Variants in PPP2R2B observed in about 807,000 individuals in gnomAD.
PPP2R2B encodes protein phosphatase 2 regulatory subunit Bbeta.
In PPP2R2B, 5 loss-of-function variants were observed where a neutral mutation model predicts 46.0. That is an observed-to-expected ratio of 0.11 (90% CI 0.06 to 0.23). The LOEUF (loss-of-function observed/expected upper bound fraction) is 0.23, where lower values mean the gene tolerates loss of function less well. Ranked by LOEUF, PPP2R2B falls within the 10% of genes least tolerant of loss-of-function variation. The pLI, the probability that PPP2R2B is intolerant of heterozygous loss-of-function variation, is 1.00. For missense variants in PPP2R2B, 367 were observed against 575.0 expected, an observed-to-expected ratio of 0.64 and a Z score of 3.70; for synonymous variants, 215 against 206.7, an observed-to-expected ratio of 1.04 and a Z score of -0.34.
At chr5:146,771,887 G>A (rs1285509361) in intron 2 of PPP2R2B, among the ~76,000 whole-genome samples, 1 of 152,130 alleles carries the variant, frequency 6.6e-6, no homozygotes, top group Non-Finnish European at 1.5e-5. Flanking sequence ...TCACTTGCAG[G>A]AGAAGAGAAA....
At chr5:146,728,813 A>G (rs1752044597) in intron 2 of PPP2R2B, among the ~76,000 whole-genome samples, 1 of 152,094 alleles carries the variant, frequency 6.6e-6, no homozygotes, top group Non-Finnish European at 1.5e-5. Context: ...CTTTTTGCCT[A>G]TTGCCATGAT....
At chr5:146,702,364 T>A (rs543643367) in intron 2 of PPP2R2B, among the ~76,000 whole-genome samples, 3 of 152,302 alleles carry the variant, frequency 2.0e-5, no homozygotes, top group African/African-American at 7.2e-5. Flanking sequence ...AAATAAGGCA[T>A]AAACCTTGGT....
At chr5:146,650,757 C>A (rs1775898190) in intron 5 of PPP2R2B, 33 bp from the exon 6 acceptor site, 9 of 1,587,394 alleles carry the variant, frequency 5.7e-6, no homozygotes, top group Non-Finnish European at 7.7e-6. Context: ...CACTTCAGAA[C>A]CAAAGATCTT....
Position 146,650,569 on chromosome 5 carries a change from A to C in PPP2R2B, c.603T>G (p.Phe201Leu), listed in dbSNP as rs768985337. 3.1e-6 allele frequency: 5 copies of C among 1,613,214 alleles called. No individual in the cohort carries two copies. The African/African-American group carries it at 4.0e-5, about 13-fold the overall frequency. Residue 201 changes from phenylalanine (F) to leucine (L), a missense_variant, in exon 6 of 10, where the codon TTT becomes TTG. Transcript: ENST00000394411. The stretch of plus-strand genomic sequence containing the variant: ...TACTAAAACTTTGATTGGTTATTTC[A>C]AAGTTCCATAGGTTAATCCTCAGGT... ...ADDLRINLWN[F>L]EITNQSFNIV...
rs1300538815 is a variant in PPP2R2B, at chr5:146,581,036, T to C, written c.*8911A>G. On this transcript the variant is annotated 3_prime_UTR_variant, in exon 10 of 10. Coordinates refer to ENST00000394411, the MANE Select transcript of PPP2R2B (RefSeq NM_181675.4). ...TGATATTTGTCTGATCTTCAATGAA[T>C]GTATTAATTCTCGAGTTTCAGCTGA... 6.6e-6 allele frequency: 1 copy of C among 152,220 alleles called. No homozygotes were observed. Among genetic ancestry groups the C allele is most frequent in the Non-Finnish European group, 1.5e-5 (1 of 68,036 alleles). The allele number at this position is 152,220 out of a possible 1,614,324, so 9.4% of individuals were successfully genotyped here. A position where few individuals can be genotyped will look rare whatever the true frequency, so the allele number is the denominator to read the frequency against.
At chr5:146,855,625 C>T (rs1012657264) in intron 2 of PPP2R2B, among the ~76,000 whole-genome samples, 2 of 152,050 alleles carry the variant, frequency 1.3e-5, no homozygotes, top group African/African-American at 2.4e-5. Context: ...TTAAAGGGAG[C>T]TCTTCTCTTC....
chr5:146,907,723 A>G (rs982704300), intron 1 of PPP2R2B, among the ~76,000 whole-genome samples: 2 of 152,184 alleles, frequency 1.3e-5, no homozygotes, highest in Non-Finnish European at 2.9e-5. Flanking sequence ...GTCTTTTCCC[A>G]TACCACTTTC....
chr5:146,836,773 C>T (rs994062282), intron 2 of PPP2R2B, among the ~76,000 whole-genome samples: 3 of 152,188 alleles, frequency 2.0e-5, no homozygotes, highest in African/African-American at 7.2e-5. Flanking sequence ...GATTAGCTTT[C>T]TGGCTAGATC....
chr5:146,589,423 A>AGGAAAAT lies in PPP2R2B; in HGVS notation c.*517_*523dup, dbSNP rs762114778. ...CTCTGGCTTAAATGAAATTGTTCAAAGGAAAATGGAAAATGGAAAAAAAAA... is the reference window on the plus strand; with the variant it reads ...CTCTGGCTTAAATGAAATTGTTCAAAGGAAAATGGAAAATGGAAAATGGAAAAAAAAA... On this transcript the variant is annotated 3_prime_UTR_variant, in exon 10 of 10. Coordinates refer to ENST00000394411, the MANE Select transcript of PPP2R2B (RefSeq NM_181675.4). 5.8e-5 allele frequency: 9 copies of AGGAAAAT among 154,178 alleles called. No homozygotes were observed. The highest frequency in any genetic ancestry group is 7.2e-5 in the Non-Finnish European group (5 of 69,130). The allele number at this position is 154,178 out of a possible 1,614,324, so 9.6% of individuals were successfully genotyped here. A position where few individuals can be genotyped will look rare whatever the true frequency, so the allele number is the denominator to read the frequency against.
intron 1 of PPP2R2B, among the ~76,000 whole-genome samples, chr5:146,973,258 G>A (rs1454772065): frequency 1.3e-5 from 2 of 152,136 alleles, no homozygotes; most frequent in Non-Finnish European, 2.9e-5. Flanking sequence ...AATTTTGCCG[G>A]AAAAATGTGT....
Position 146,581,063 on chromosome 5 carries a change from T to A in PPP2R2B, c.*8884A>T, listed in dbSNP as rs1769872460. 6.6e-6 allele frequency: 1 copy of A among 152,206 alleles called. No individual in the cohort carries two copies. The highest frequency in any genetic ancestry group is 2.4e-5 in the African/African-American group (1 of 41,438). 9.4% of individuals were successfully genotyped at this position (152,206 alleles called of 1,614,324 possible). On this transcript the variant is annotated 3_prime_UTR_variant, in exon 10 of 10. Coordinates refer to ENST00000394411, the MANE Select transcript of PPP2R2B (RefSeq NM_181675.4). ...TATTAATTCTCGAGTTTCAGCTGAT[T>A]CTTTCATCAAGAAACATCACAAATT...
intron 2 of PPP2R2B, among the ~76,000 whole-genome samples, chr5:146,746,982 T>C (rs1186254138): frequency 1.3e-5 from 2 of 152,182 alleles, no homozygotes; most frequent in Non-Finnish European, 2.9e-5. Flanking sequence ...TCGTGCTGCA[T>C]ATCATCTGTG....
At chr5:146,770,404 A>C (rs1269934262) in intron 2 of PPP2R2B, among the ~76,000 whole-genome samples, 1 of 151,670 alleles carries the variant, frequency 6.6e-6, no homozygotes, top group Non-Finnish European at 1.5e-5. Flanking sequence ...AACACTAAAA[A>C]ATTATTGCAA....
chr5:146,773,056 T>A (rs1168297495), intron 2 of PPP2R2B, among the ~76,000 whole-genome samples: 1 of 152,182 alleles, frequency 6.6e-6, no homozygotes, highest in Non-Finnish European at 1.5e-5. Context: ...TTTGTTTTAT[T>A]TTAAAATTGT....
intron 1 of PPP2R2B, chr5:146,919,933 T>A (rs1353421531): frequency 6.6e-6 from 1 of 151,644 alleles, no homozygotes; most frequent in East Asian, 1.9e-4. Flanking sequence ...GCCACTGATA[T>A]AGCTCTGCCT....
At chr5:146,856,907 G>A (rs747908965) in intron 2 of PPP2R2B, among the ~76,000 whole-genome samples, 10 of 152,134 alleles carry the variant, frequency 6.6e-5, no homozygotes, top group Non-Finnish European at 1.2e-4. Flanking sequence ...AAACTCACAG[G>A]CCTATAGACC....
chr5:146,757,073 G>C lies in PPP2R2B; in HGVS notation c.71-55931C>G, dbSNP rs114144469. ...AGGCCAGCCTTTCAAAACACATGGG[G>C]AAGAACAGTCCTGGTGGAGGGAAGA... On this transcript the variant is annotated intron_variant, in intron 2 of 9. Transcript: ENST00000394411. Among the ~76,000 whole-genome samples the C allele has an allele frequency of 3.7e-3, 561 of 152,282 alleles. 2 individuals carry two copies. The highest frequency in any genetic ancestry group is 0.013 in the African/African-American group (520 of 41,562).
In PPP2R2B at chr5:146,692,616, C is replaced by T. The variant is rs188425647; in HGVS notation, c.335-1376G>A. On this transcript the variant is annotated intron_variant, in intron 4 of 9. Coordinates refer to ENST00000394411, the MANE Select transcript of PPP2R2B (RefSeq NM_181675.4). ...TGGCACAATCTCAGCTCACTGCAAG[C>T]TCTGCCTCCTGGGTTCATGACATTC... 2.1e-4 allele frequency among the ~76,000 whole-genome samples: 31 copies of T among 149,324 alleles called. 1 individual carries two copies. In the Admixed American group the frequency reaches 2.1e-3, roughly 10 times the overall value.
At chr5:147,014,175 A>T (rs949308959) in intron 1 of PPP2R2B, among the ~76,000 whole-genome samples, 1 of 131,282 alleles carries the variant, frequency 7.6e-6, no homozygotes, top group African/African-American at 2.8e-5. Flanking sequence ...GCAAATCAAA[A>T]CCACAATGAG....
Sources: allele counts gnomAD v4.1 joint callset (sites outside exome capture counted in the v4.1 genomes callset), GRCh38; gene constraint gnomAD v4.1.1; transcripts MANE v1.5; gene names NCBI Gene and HGNC (gene_info 2026-07-23, HGNC 2026-07-21).